KLB: variants seen among roughly 807,000 people sequenced by gnomAD.
KLB encodes klotho beta.
KLB carries 44 observed loss-of-function variants against 88.4 expected under a neutral mutation model. That is an observed-to-expected ratio of 0.50 (90% CI 0.39 to 0.64). The LOEUF is 0.64. Ranked by LOEUF, KLB falls within the 30% of genes least tolerant of loss-of-function variation. The pLI is 0.00. For missense variants in KLB, 1,137 were observed against 1,304.8 expected (o/e 0.87, Z 1.98); for synonymous variants, 548 against 513.4 (o/e 1.07, Z -0.91).
At chr4:39,415,448 C>T (rs1169083459) in intron 1 of KLB, among the ~76,000 whole-genome samples, 1 of 152,000 alleles carries the variant, frequency 6.6e-6, no homozygotes, top group Non-Finnish European at 1.5e-5. Context: ...GAGCTGTGAT[C>T]ATGCCTCTGC....
rs781318611 is a variant in KLB, at chr4:39,448,335, T to C, written c.2784T>C (p.Tyr928=). 7.4e-6 allele frequency: 12 copies of C among 1,610,984 alleles called. No individual in the cohort carries two copies. The highest frequency in any genetic ancestry group is 9.3e-6 in the Non-Finnish European group (11 of 1,177,704). The change falls in exon 5 of 5, where the codon TAT becomes TAC. Residue 928 remains tyrosine, a synonymous_variant. Transcript: ENST00000257408. The part of the protein sequence containing the change: ...YLIDKVRIKG[Y]YAFKLAEEKS... ...TTGATAAAGTCAGAATCAAAGGCTA[T>C]TATGCATTCAAACTGGCTGAAGAGA...
chr4:39,414,043 C>G (rs76786068), intron 1 of KLB, among the ~76,000 whole-genome samples: 23 of 152,204 alleles, frequency 1.5e-4, no homozygotes, highest in African/African-American at 5.5e-4. Flanking sequence ...TTGTGACAAT[C>G]AAAAATGTCT....
chr4:39,432,901 A>C (rs897765087), intron 1 of KLB, among the ~76,000 whole-genome samples: 31 of 150,642 alleles, frequency 2.1e-4, no homozygotes, highest in Non-Finnish European at 4.0e-4. Flanking sequence ...TTTTTGAGAC[A>C]GAGTTTTGTT....
At chr4:39,439,228 G>A (rs1014850544) in intron 3 of KLB, among the ~76,000 whole-genome samples, 28 of 151,950 alleles carry the variant, frequency 1.8e-4, no homozygotes, top group African/African-American at 6.5e-4. Flanking sequence ...GGAGCTCCTG[G>A]GCTCAAACAC....
intron 4 of KLB, 67 bp downstream of exon 4, chr4:39,447,542 TG>T: frequency 4.4e-6 from 6 of 1,349,788 alleles, no homozygotes; most frequent in Non-Finnish European, 6.0e-6. Context: ...GAACAAAGAA[TG>T]GGAGCAGCAG....
intron 1 of KLB, among the ~76,000 whole-genome samples, chr4:39,409,409 CA>C (rs1308918482): frequency 6.6e-6 from 1 of 151,294 alleles, no homozygotes; most frequent in African/African-American, 2.4e-5. Flanking sequence ...TCTCCTGCCT[CA>C]GCCTCTTGAG....
Position 39,407,295 on chromosome 4 carries a change from A to G in KLB, c.346A>G (p.Thr116Ala), listed in dbSNP as rs2109815106. The change falls in exon 1 of 5, where the codon ACA (threonine) becomes GCA (alanine). Residue 116 changes from threonine (T) to alanine (A), a missense_variant. Around this residue, in one of 4 missense-constraint regions of KLB, gnomAD observed 597 missense variants for 765.2 expected, o/e 0.78. Transcript: ENST00000257408. ...GPSIWDHFIHTHLKNVSSTNG... is the reference protein window; with the variant it reads ...GPSIWDHFIHAHLKNVSSTNG... ...TTCTATATGGGATCATTTCATCCACACACACCTTAAAAATGTCAGCAGCAC... is the reference window on the plus strand; with the variant it reads ...TTCTATATGGGATCATTTCATCCACGCACACCTTAAAAATGTCAGCAGCAC... 2.5e-6 allele frequency: 4 copies of G among 1,614,158 alleles called. No individual in the cohort carries two copies. Among genetic ancestry groups the G allele is most frequent in the Non-Finnish European group, 3.4e-6 (4 of 1,179,986 alleles).
At position 39,438,566 on chromosome 4, in the gene KLB, C is replaced by T. The variant is rs116114039; in HGVS notation, c.1605+571C>T. 4.0e-3 allele frequency among the ~76,000 whole-genome samples: 610 copies of T among 152,282 alleles called. 11 individuals are homozygous for T. The highest frequency in any genetic ancestry group is 2.2e-3 in the Non-Finnish European group (150 of 68,010). On this transcript the variant is annotated intron_variant, in intron 3 of 4. Transcript: ENST00000257408. Reference sequence around the variant, plus strand: ...TTCCTCTTTTCCTGCTTTTCTATAGCGTACTCGCCACCACCTGACATACTA... The same window carrying T: ...TTCCTCTTTTCCTGCTTTTCTATAGTGTACTCGCCACCACCTGACATACTA...
rs777061662 is a variant in KLB, at chr4:39,407,252, G to C, written c.303G>C (p.Lys101Asn). ...CATTGCAAGTGGAAGGGAGTTGGAAGAAGGATGGAAAAGGACCTTCTATAT... is the reference window on the plus strand; with the variant it reads ...CATTGCAAGTGGAAGGGAGTTGGAACAAGGATGGAAAAGGACCTTCTATAT... ...TGALQVEGSW[K>N]KDGKGPSIWD... Residue 101 changes from lysine to asparagine, a missense_variant, in exon 1 of 5, where the codon AAG becomes AAC. This residue lies in a region of KLB where 3 missense variants were observed against 16.7 expected (regional missense o/e 0.18). Coordinates refer to ENST00000257408, the MANE Select transcript of KLB (RefSeq NM_175737.4). The C allele has an allele frequency of 8.1e-6, 13 of 1,614,066 alleles. No individual in the cohort carries two copies. In the South Asian group the frequency reaches 1.4e-4, roughly 18 times the overall value.
intron 3 of KLB, among the ~76,000 whole-genome samples, chr4:39,439,720 T>TGCCTG (rs1743556353): frequency 6.6e-6 from 1 of 150,834 alleles, no homozygotes. Flanking sequence ...CAGGCTGGAG[T>TGCCTG]GCAATGGTGC....
chr4:39,422,565 G>A (rs1357462070), intron 1 of KLB, among the ~76,000 whole-genome samples: 2 of 151,982 alleles, frequency 1.3e-5, no homozygotes, highest in Non-Finnish European at 2.9e-5. Flanking sequence ...AACAGTGTCC[G>A]GCACATTTGG....
intron 3 of KLB, among the ~76,000 whole-genome samples, chr4:39,443,507 G>A (rs970522535): frequency 4.0e-5 from 6 of 151,846 alleles, no homozygotes; most frequent in African/African-American, 1.5e-4. Context: ...CACTTTGGGA[G>A]GCCGAGGCGG....
intron 1 of KLB, among the ~76,000 whole-genome samples, chr4:39,430,423 C>A (rs533741813): frequency 5.3e-5 from 3 of 56,782 alleles, no homozygotes; most frequent in Non-Finnish European, 9.3e-5. Context: ...AAAAAAAAAG[C>A]GGTTCTCAAG....
intron 1 of KLB, among the ~76,000 whole-genome samples, chr4:39,420,997 A>T (rs1472144260): frequency 6.6e-6 from 1 of 152,248 alleles, no homozygotes; most frequent in African/African-American, 2.4e-5. Context: ...ATATGTACAC[A>T]TAACATATAC....
chr4:39,446,339 C>CT lies in KLB; in HGVS notation c.1614dup (p.Val539CysfsTer49). The CT allele has an allele frequency of 1.9e-6, 3 of 1,613,038 alleles. No homozygotes were observed. Among genetic ancestry groups the CT allele is most frequent in the Non-Finnish European group, 2.5e-6 (3 of 1,179,394 alleles). ...TGAGCTTGTTTTTCACAGCCCGAGT[C>CT]TGTGGCTTCGTCCCCACAGTTCAGC... is the stretch of plus-strand genomic sequence containing the variant. On this transcript the variant is annotated frameshift_variant, in exon 4 of 5. Transcript: ENST00000257408. LOFTEE classifies it high-confidence loss of function. This position sits in a 1 kb window ranked among gnomAD's most constrained non-coding sequence, Gnocchi z 6.4.
At chr4:39,434,860 G>C in intron 2 of KLB, 140 bp downstream of exon 2, 1 of 682,034 alleles carries the variant, frequency 1.5e-6, no homozygotes, top group Non-Finnish European at 2.4e-6. Flanking sequence ...AGGCTGAAGT[G>C]CAGTGGCACC....
chr4:39,439,149 C>A (rs1743540840), intron 3 of KLB, among the ~76,000 whole-genome samples: 1 of 151,996 alleles, frequency 6.6e-6, no homozygotes, highest in South Asian at 2.1e-4. Flanking sequence ...AGGTTCACAC[C>A]ACTATGCCCA....
Position 39,427,211 on chromosome 4 carries a change from G to A in KLB, c.826-6999G>A, listed in dbSNP as rs28404139. On this transcript the variant is annotated intron_variant, in intron 1 of 4. Transcript: ENST00000257408. ...AAAAAATCAGCTTGAGGCCGGACGC[G>A]GTGGTTCATGCCTGTAATCCCAGCA... Among the ~76,000 whole-genome samples, 1,068 of 152,190 alleles carry A rather than the reference G, an allele frequency of 7.0e-3. 13 individuals are homozygous for A. The highest frequency in any genetic ancestry group is 0.024 in the African/African-American group (984 of 41,520).
At chr4:39,428,233 C>T (rs1411202067) in intron 1 of KLB, among the ~76,000 whole-genome samples, 1 of 152,140 alleles carries the variant, frequency 6.6e-6, no homozygotes, top group Admixed American at 6.6e-5. Flanking sequence ...TCAAGACCAG[C>T]TTGGCCAACA....
Sources: gnomAD v4.1 joint callset for allele counts (sites outside exome capture counted in the v4.1 genomes callset) on GRCh38, gnomAD v4.1.1 for gene constraint, gnomAD v4.1.1 regional missense constraint, Gnocchi (gnomAD v3.1) non-coding constraint, MANE v1.5 for transcripts, NCBI Gene and HGNC (gene_info 2026-07-23, HGNC 2026-07-21) for gene names.